The following PSMD14 variants were observed in gnomAD, a reference collection of about 807,000 sequenced individuals.
The protein encoded by PSMD14 is proteasome 26S subunit, non-ATPase 14, also known as ubiquitin C-terminal hydrolase PSMD14.
A neutral mutation model predicts 41.2 loss-of-function variants in PSMD14; 7 were observed. The ratio of observed to expected loss-of-function variants is 0.17; its 90% CI spans 0.10 to 0.32. PSMD14 has a LOEUF of 0.32. Ranked by LOEUF, PSMD14 falls within the 10% of genes least tolerant of loss-of-function variation. PSMD14 has a pLI of 1.00. For synonymous variants in PSMD14, 114 were observed against 122.3 expected (o/e 0.93, Z 0.45); for missense variants, 139 against 375.6 (o/e 0.37, Z 5.21).
At chr2:161,322,544 C>T (rs1682622991) in intron 3 of PSMD14, among the ~76,000 whole-genome samples, 3 of 152,118 alleles carry the variant, frequency 2.0e-5, no homozygotes, top group Admixed American at 6.5e-5. Flanking sequence ...CATGAGCCTC[C>T]ACGCCCAGCT....
intron 3 of PSMD14, among the ~76,000 whole-genome samples, chr2:161,330,853 C>A (rs2105236411): frequency 6.6e-6 from 1 of 152,304 alleles, no homozygotes; most frequent in African/African-American, 2.4e-5. Context: ...TTGTACTTTT[C>A]TCTTACTCAT....
intron 3 of PSMD14, among the ~76,000 whole-genome samples, chr2:161,343,604 G>A (rs988297670): frequency 7.2e-5 from 11 of 152,244 alleles, no homozygotes; most frequent in African/African-American, 2.7e-4. Flanking sequence ...AAGGTGGGCA[G>A]ATCACCTGAG....
chr2:161,372,162 T>A (rs1683444109), intron 7 of PSMD14, among the ~76,000 whole-genome samples: 1 of 152,092 alleles, frequency 6.6e-6, no homozygotes, highest in South Asian at 2.1e-4. Context: ...AGGTGGTTAC[T>A]GCTTTAAAAT....
chr2:161,391,256 A>T lies in PSMD14; in HGVS notation c.645+78A>T, dbSNP rs187345926. ...TAAACTATTACCTGGTATGTGATTT[A>T]AATTCGAATTTTTGACCTCTTTCAG... On this transcript the variant is annotated intron_variant, in intron 9 of 11. Coordinates refer to ENST00000409682, the MANE Select transcript of PSMD14 (RefSeq NM_005805.6). 6.5e-4 allele frequency: 891 copies of T among 1,380,038 alleles called. 4 individuals are homozygous for T. Among genetic ancestry groups the T allele is most frequent in the Non-Finnish European group, 1.3e-4 (132 of 1,046,406 alleles). 85.5% of individuals were successfully genotyped at this position (1,380,038 alleles called of 1,614,324 possible).
chr2:161,309,214 G>A (rs1263235744), intron 1 of PSMD14, among the ~76,000 whole-genome samples: 3 of 151,730 alleles, frequency 2.0e-5, no homozygotes, highest in Non-Finnish European at 2.9e-5. Flanking sequence ...CTCGTTTTAA[G>A]TAAAGTAGAA....
At chr2:161,335,668 C>T (rs762959507) in intron 3 of PSMD14, among the ~76,000 whole-genome samples, 6 of 152,096 alleles carry the variant, frequency 3.9e-5, no homozygotes, top group Admixed American at 6.6e-5. Flanking sequence ...ATTTACAAAC[C>T]GTGTTGTAGT....
At chr2:161,347,593 C>A (rs141108977) in intron 3 of PSMD14, among the ~76,000 whole-genome samples, 24 of 152,270 alleles carry the variant, frequency 1.6e-4, no homozygotes, top group Non-Finnish European at 2.8e-4. Flanking sequence ...ACAGAAAGTA[C>A]TATTCTTAGC....
intron 1 of PSMD14, among the ~76,000 whole-genome samples, chr2:161,314,740 T>C (rs749334888): frequency 1.3e-5 from 2 of 152,240 alleles, no homozygotes; most frequent in Non-Finnish European, 2.9e-5. Context: ...TTTTTATAGC[T>C]GAACAGTATT....
intron 5 of PSMD14, among the ~76,000 whole-genome samples, chr2:161,368,397 C>A (rs1337531440): frequency 6.6e-6 from 1 of 152,018 alleles, no homozygotes; most frequent in East Asian, 1.9e-4. Flanking sequence ...CAAAACAAAA[C>A]AATAGCAAAC....
intron 3 of PSMD14, among the ~76,000 whole-genome samples, chr2:161,351,560 T>G (rs959248587): frequency 1.3e-5 from 2 of 152,224 alleles, no homozygotes; most frequent in African/African-American, 4.8e-5. Context: ...AATTTACTAC[T>G]TTCTTTCTAG....
chr2:161,319,836 A>G (rs896805480), intron 3 of PSMD14, among the ~76,000 whole-genome samples: 9 of 152,150 alleles, frequency 5.9e-5, no homozygotes, highest in East Asian at 3.8e-4. Flanking sequence ...GATTAGGTCT[A>G]TCATGGTTTA....
At chr2:161,339,847 G>A (rs1463153037) in intron 3 of PSMD14, among the ~76,000 whole-genome samples, 1 of 152,262 alleles carries the variant, frequency 6.6e-6, no homozygotes, top group Non-Finnish European at 1.5e-5. Flanking sequence ...CATGCCATAG[G>A]GGTTGATGCT....
chr2:161,377,442 G>A (rs1683518499), intron 7 of PSMD14, among the ~76,000 whole-genome samples: 2 of 151,738 alleles, frequency 1.3e-5, no homozygotes, highest in South Asian at 4.1e-4. Flanking sequence ...ATCTTGTGAG[G>A]ACAGCTAAGA....
intron 7 of PSMD14, chr2:161,382,535 A>G (rs1029732964): frequency 1.6e-4 from 24 of 151,804 alleles, no homozygotes; most frequent in African/African-American, 4.3e-4. Context: ...TAAGCTGTCT[A>G]CTGTTGCAGT....
rs752722392 is a variant in PSMD14, at chr2:161,318,984, A to G, written c.48+111A>G. The stretch of plus-strand genomic sequence containing the variant: ...AGAAAATCACCTAACAGATAACTCT[A>G]TGGTAAGAATCTTACCTTATTGATG... On this transcript the variant is annotated intron_variant, in intron 3 of 11. Transcript: ENST00000409682. The G allele has an allele frequency of 2.5e-5, 19 of 767,222 alleles. No homozygotes were observed. The East Asian group carries it at 3.3e-4, about 13-fold the overall frequency. 47.5% of individuals were successfully genotyped at this position (767,222 alleles called of 1,614,324 possible).
intron 3 of PSMD14, 22 bp from the exon 4 acceptor site, chr2:161,367,456 T>C: frequency 6.5e-7 from 1 of 1,543,620 alleles, no homozygotes; most frequent in Non-Finnish European, 8.8e-7. Context: ...GTTTTAATAA[T>C]AATTGATGTA....
At chr2:161,340,953 C>G in intron 3 of PSMD14, 1 of 1,613,430 alleles carries the variant, frequency 6.2e-7, no homozygotes, top group Non-Finnish European at 8.5e-7. Context: ...CGATGATGGC[C>G]CCTTCTCACC....
At chr2:161,411,059 T>C (rs1453222657) in intron 11 of PSMD14, among the ~76,000 whole-genome samples, 1 of 152,134 alleles carries the variant, frequency 6.6e-6, no homozygotes, top group Admixed American at 6.6e-5. Flanking sequence ...AAATCTCTGG[T>C]ACATAGTCAT....
At chr2:161,333,019 A>G (rs1291297509) in intron 3 of PSMD14, among the ~76,000 whole-genome samples, 2 of 152,210 alleles carry the variant, frequency 1.3e-5, no homozygotes, top group African/African-American at 4.8e-5. Flanking sequence ...AGGCCACATT[A>G]GTGTTGAGAT....
Sources: allele counts gnomAD v4.1 joint callset (sites outside exome capture counted in the v4.1 genomes callset), GRCh38; gene constraint gnomAD v4.1.1; transcripts MANE v1.5; gene names NCBI Gene and HGNC (gene_info 2026-07-23, HGNC 2026-07-21).